CHD7: variants seen among roughly 807,000 people sequenced by gnomAD.
The protein encoded by CHD7 is chromodomain helicase DNA binding protein 7, also known as ATP-dependent chromatin remodeler CHD7.
Under a neutral mutation model 307.3 loss-of-function variants are expected in CHD7, and 24 were observed. The ratio of observed to expected loss-of-function variants is 0.08; its 90% CI spans 0.06 to 0.11. The LOEUF is 0.11. CHD7 is among the 10% of genes least tolerant of loss of function. The probability of loss-of-function intolerance (pLI) is 1.00; values close to 1 mark genes in which losing one functional copy is unlikely to be tolerated. For missense variants in CHD7, 3,106 were observed against 3,727.1 expected (o/e 0.83, Z 4.34); for synonymous variants, 1,363 against 1,349.9 (o/e 1.01, Z -0.21).
chr8:60,860,065 G>T (rs1346660590), intron 34 of CHD7, among the ~76,000 whole-genome samples: 1 of 152,138 alleles, frequency 6.6e-6, no homozygotes, highest in Non-Finnish European at 1.5e-5. Context: ...GGAGAAATGG[G>T]TGTCTGGAGG....
At chr8:60,785,806 C>CCTTCAAAA (rs1811462718) in intron 3 of CHD7, among the ~76,000 whole-genome samples, 1 of 151,988 alleles carries the variant, frequency 6.6e-6, no homozygotes, top group Non-Finnish European at 1.5e-5. Context: ...AAATTAAACC[C>CCTTCAAAA]TCAGCCTTCC....
At position 60,845,383 on chromosome 8, in the gene CHD7, G is replaced by A; in HGVS notation, c.5184G>A (p.Lys1728=). The A allele has an allele frequency of 6.2e-7, 1 of 1,614,006 alleles. No individual in the cohort carries two copies. The highest frequency in any genetic ancestry group is 1.1e-5 in the South Asian group (1 of 91,082). ...PDALFQEDSY[K]KHLKHHCNKV... ...CCCTGTTCCAGGAGGACAGCTACAA[G>A]AAACACCTGAAGCATCACTGTAACA... Residue 1728 remains lysine (K), a synonymous_variant, in exon 23 of 38, where the codon AAG becomes AAA. Transcript: ENST00000423902.
chr8:60,744,247 G>C (rs898778157), intron 2 of CHD7, among the ~76,000 whole-genome samples: 3 of 152,084 alleles, frequency 2.0e-5, no homozygotes, highest in African/African-American at 7.2e-5. Context: ...TTGTGATCTT[G>C]GATTCCTTTT....
intron 1 of CHD7, among the ~76,000 whole-genome samples, chr8:60,731,639 C>T (rs1006591094): frequency 7.9e-5 from 12 of 152,160 alleles, no homozygotes; most frequent in African/African-American, 2.9e-4. Flanking sequence ...GCCTTAATTC[C>T]ATCTCCTTTG....
At position 60,865,007 on chromosome 8, in the gene CHD7, G is replaced by T. The variant is rs1313715893; in HGVS notation, c.8077-9G>T. Reference sequence around the variant, plus strand: ...TTTATAGCCACTGTTTGCCTCCCCTGTACTCCAGGGTTTTGTTCCTGAGTC... The same window carrying T: ...TTTATAGCCACTGTTTGCCTCCCCTTTACTCCAGGGTTTTGTTCCTGAGTC... On this transcript the variant is annotated splice_polypyrimidine_tract_variant and intron_variant, in intron 37 of 37. Transcript: ENST00000423902. The surrounding 1 kb of genome is among the most constrained non-coding windows in gnomAD (Gnocchi z 4.3). 1.3e-6 allele frequency: 2 copies of T among 1,581,326 alleles called. No individual in the cohort carries two copies. The highest frequency in any genetic ancestry group is 4.6e-5 in the East Asian group (2 of 43,652).
At chr8:60,693,949 C>A (rs761828139) in intron 1 of CHD7, among the ~76,000 whole-genome samples, 5 of 152,260 alleles carry the variant, frequency 3.3e-5, no homozygotes, top group African/African-American at 7.2e-5. Context: ...GAGCAGTCAC[C>A]TGCCTTGCCA....
At chr8:60,688,260 C>G (rs1471579908) in intron 1 of CHD7, among the ~76,000 whole-genome samples, 1 of 152,186 alleles carries the variant, frequency 6.6e-6, no homozygotes, top group East Asian at 1.9e-4. Flanking sequence ...ATAATACATT[C>G]TCCTAACTGC....
At chr8:60,784,871 A>C (rs1811423140) in intron 3 of CHD7, among the ~76,000 whole-genome samples, 1 of 152,146 alleles carries the variant, frequency 6.6e-6, no homozygotes, top group East Asian at 1.9e-4. Flanking sequence ...CCACATTCCT[A>C]TTCTCTAATC....
At chr8:60,785,943 T>C (rs1015858500) in intron 3 of CHD7, among the ~76,000 whole-genome samples, 1 of 152,204 alleles carries the variant, frequency 6.6e-6, no homozygotes, top group Non-Finnish European at 1.5e-5. Flanking sequence ...TTTTGCACCC[T>C]GTGCCTGTGG....
chr8:60,680,099 C>T (rs546338813), intron 1 of CHD7, among the ~76,000 whole-genome samples: 1 of 151,730 alleles, frequency 6.6e-6, no homozygotes, highest in African/African-American at 2.4e-5. Context: ...AACTCGGCTC[C>T]CCCGCCCCCC....
Position 60,841,998 on chromosome 8 carries a change from A to T in CHD7, c.4796A>T (p.Gln1599Leu). The T allele has an allele frequency of 6.2e-7, 1 of 1,613,990 alleles. No individual in the cohort carries two copies. Among genetic ancestry groups the T allele is most frequent in the Non-Finnish European group, 8.5e-7 (1 of 1,179,876 alleles). Residue 1599 changes from glutamine to leucine, a missense_variant, in exon 21 of 38, where the codon CAG becomes CTG. By Grantham distance (113) the Gln-to-Leu change is moderately radical. Around this residue, in one of 10 missense-constraint regions of CHD7, gnomAD observed 122 missense variants for 124.5 expected, o/e 0.98. Coordinates refer to ENST00000423902, the MANE Select transcript of CHD7 (RefSeq NM_017780.4). ...CCACGGCGTCCCCAGGATAAGTCAC[A>T]GGGCTATGCAAGGAGTGAATGTTTC... Reference protein sequence around the residue: ...AKPRRPQDKSQGYARSECFRV... With the variant: ...AKPRRPQDKSLGYARSECFRV...
At chr8:60,748,509 G>C (rs1005237454) in intron 2 of CHD7, among the ~76,000 whole-genome samples, 5 of 152,188 alleles carry the variant, frequency 3.3e-5, no homozygotes, top group African/African-American at 1.2e-4. Flanking sequence ...GAAGAGGGTG[G>C]AGAGGGGGTG....
chr8:60,783,317 C>G (rs1811349465), intron 3 of CHD7, among the ~76,000 whole-genome samples: 1 of 152,098 alleles, frequency 6.6e-6, no homozygotes, highest in South Asian at 2.1e-4. Context: ...TAAAATTTTC[C>G]CAACAACTGT....
intron 23 of CHD7, among the ~76,000 whole-genome samples, chr8:60,848,287 C>A (rs1204104304): frequency 6.6e-6 from 1 of 152,164 alleles, no homozygotes; most frequent in Non-Finnish European, 1.5e-5. Flanking sequence ...GAGCTCGGGC[C>A]CTCTCTGTGC....
rs1805619139 is a variant in CHD7, at chr8:60,854,520, T to C, written c.6933T>C (p.Pro2311=). Residue 2311 remains proline, a synonymous_variant, in exon 32 of 38, where the codon CCT becomes CCC. Coordinates refer to ENST00000423902, the MANE Select transcript of CHD7 (RefSeq NM_017780.4). ...GAACATTTGCCTTCTCGTTTTGGCC[T>C]AAGGTTGGCAGGTTTTTGTTGCTGT... ...HERTFAFSFW[P]KDRVMINRLD... is the part of the protein sequence containing the mutation. The C allele has an allele frequency of 1.9e-6, 3 of 1,589,774 alleles. No homozygotes were observed. The highest frequency in any genetic ancestry group is 2.6e-6 in the Non-Finnish European group (3 of 1,162,548).
At chr8:60,787,610 A>G (rs187859799) in intron 3 of CHD7, among the ~76,000 whole-genome samples, 2 of 152,104 alleles carry the variant, frequency 1.3e-5, no homozygotes, top group East Asian at 1.9e-4. Flanking sequence ...TTAGAATACT[A>G]ATTTTTATTT....
chr8:60,850,453 G>A (rs1327723322), intron 25 of CHD7, 40 bp from the exon 26 acceptor site: 1 of 1,575,048 alleles, frequency 6.3e-7, no homozygotes, highest in Non-Finnish European at 8.7e-7. Context: ...GCCTTTCTTT[G>A]TTTCTGTGTG....
intron 21 of CHD7, among the ~76,000 whole-genome samples, chr8:60,843,834 C>T (rs528434009): frequency 3.7e-4 from 56 of 152,198 alleles, no homozygotes; most frequent in African/African-American, 1.3e-3. Flanking sequence ...AGTGAGGTAC[C>T]GGCAGATAGA....
chr8:60,807,783 A>G (rs574679489), intron 6 of CHD7, among the ~76,000 whole-genome samples: 1 of 152,390 alleles, frequency 6.6e-6, no homozygotes, highest in East Asian at 1.9e-4. Flanking sequence ...ATTTTAAAAC[A>G]TTACAAAACC....
Sources: gnomAD v4.1 joint callset for allele counts (sites outside exome capture counted in the v4.1 genomes callset) on GRCh38, gnomAD v4.1.1 for gene constraint, gnomAD v4.1.1 regional missense constraint, Gnocchi (gnomAD v3.1) non-coding constraint, MANE v1.5 for transcripts, NCBI Gene and HGNC (gene_info 2026-07-23, HGNC 2026-07-21) for gene names.